The following GPHN variants were observed in gnomAD, a reference collection of about 807,000 sequenced individuals.
GPHN encodes gephyrin.
Under a neutral mutation model 95.5 loss-of-function variants are expected in GPHN, and 17 were observed. The observed-to-expected ratio is 0.18, with a 90% CI of 0.12 to 0.27. GPHN has a LOEUF of 0.27. GPHN is among the 10% of genes least tolerant of loss of function. GPHN has a pLI of 1.00. For missense variants in GPHN, 660 were observed against 978.1 expected (o/e 0.67, Z 4.34); for synonymous variants, 320 against 322.5 (o/e 0.99, Z 0.08).
chr14:67,615,845 A>G, the GPHN span: 22 of 622,344 alleles, frequency 3.5e-5, no homozygotes, highest in South Asian at 3.2e-4. Context: ...TGGCCTGTCC[A>G]TTGGTGATTC....
the GPHN span, chr14:67,569,232 G>A: frequency 1.3e-6 from 2 of 1,578,716 alleles, no homozygotes; most frequent in African/African-American, 2.7e-5. Context: ...TTCCAAGTGA[G>A]GCTTGGAGGC....
At chr14:67,266,810 A>G in the GPHN span, among the ~76,000 whole-genome samples, 1 of 152,058 alleles carries the variant, frequency 6.6e-6, no homozygotes, top group African/African-American at 2.4e-5. Flanking sequence ...GTTATCTTTT[A>G]AAAAAACTTC....
intron 8 of GPHN, among the ~76,000 whole-genome samples, chr14:66,945,796 A>G (rs980551844): frequency 1.3e-5 from 2 of 152,186 alleles, no homozygotes; most frequent in African/African-American, 4.8e-5. Flanking sequence ...TATACAAAGC[A>G]TACAATTTTT....
At chr14:66,754,394 A>T (rs1566907906) in intron 2 of GPHN, among the ~76,000 whole-genome samples, 1 of 152,008 alleles carries the variant, frequency 6.6e-6, no homozygotes, top group Non-Finnish European at 1.5e-5. Context: ...AGTGACTTTC[A>T]TATCATAATA....
At chr14:67,284,323 C>T in the GPHN span, among the ~76,000 whole-genome samples, 4 of 150,070 alleles carry the variant, frequency 2.7e-5, no homozygotes, top group Admixed American at 6.7e-5. Context: ...TGCAGGCAGG[C>T]GTGGTGGTTC....
chr14:67,620,836 A>G, the GPHN span: 1 of 1,580,816 alleles, frequency 6.3e-7, no homozygotes, highest in South Asian at 1.1e-5. Context: ...AATGTACCAA[A>G]TGGGTTTTTT....
In GPHN at chr14:67,088,967, T is replaced by C. The variant is rs766723067; in HGVS notation, c.1145-16T>C. ...GCTCTCCATATTTACATTTTCCTTC[T>C]TTTCTCTTCCTTCAGATGGAATGGG... is the stretch of plus-strand genomic sequence containing the variant. On this transcript the variant is annotated splice_polypyrimidine_tract_variant and intron_variant, in intron 11 of 22. Transcript: ENST00000478722. 68 of 1,489,438 alleles carry C rather than the reference T, an allele frequency of 4.6e-5. No homozygotes were observed. In the Admixed American group the frequency reaches 6.0e-4, roughly 13 times the overall value. The allele number at this position is 1,489,438 out of a possible 1,614,324, so 92.3% of individuals were successfully genotyped here.
At chr14:67,288,099 A>G in the GPHN span, among the ~76,000 whole-genome samples, 1 of 151,722 alleles carries the variant, frequency 6.6e-6, no homozygotes, top group Non-Finnish European at 1.5e-5. Flanking sequence ...TTTTCCTTCG[A>G]GACAGAGTCT....
the GPHN span, among the ~76,000 whole-genome samples, chr14:67,288,767 T>C: frequency 6.6e-6 from 1 of 152,288 alleles, no homozygotes; most frequent in Non-Finnish European, 1.5e-5. Context: ...CTATTCTTAA[T>C]ATTAGCTTAT....
intron 1 of GPHN, among the ~76,000 whole-genome samples, chr14:66,530,414 A>G (rs1382235415): frequency 6.6e-6 from 1 of 152,040 alleles, no homozygotes; most frequent in African/African-American, 2.4e-5. Context: ...GAGCTAGACC[A>G]CTTGGCTCCC....
chr14:66,765,700 A>G (rs1285639515), intron 2 of GPHN, among the ~76,000 whole-genome samples: 1 of 152,160 alleles, frequency 6.6e-6, no homozygotes, highest in Non-Finnish European at 1.5e-5. Flanking sequence ...TCTGTACACC[A>G]AACTCCCATG....
chr14:67,518,094 G>T, the GPHN span, among the ~76,000 whole-genome samples: 3 of 152,202 alleles, frequency 2.0e-5, no homozygotes, highest in Non-Finnish European at 4.4e-5. Context: ...CAGTAATCAT[G>T]GTTCTAGTGA....
intron 11 of GPHN, among the ~76,000 whole-genome samples, chr14:67,080,292 TTATG>T (rs2076640122): frequency 6.6e-6 from 1 of 152,058 alleles, no homozygotes; most frequent in Non-Finnish European, 1.5e-5. Context: ...TAAGAGCTCT[TTATG>T]TATTCTGGAT....
intron 5 of GPHN, among the ~76,000 whole-genome samples, chr14:66,885,071 T>C (rs1449666241): frequency 1.4e-4 from 21 of 151,972 alleles, no homozygotes; most frequent in Admixed American, 1.3e-4. Flanking sequence ...ACAAAACTTA[T>C]TTTTTATAGA....
At chr14:67,462,182 G>T in the GPHN span, among the ~76,000 whole-genome samples, 2 of 152,210 alleles carry the variant, frequency 1.3e-5, no homozygotes, top group Admixed American at 6.5e-5. Flanking sequence ...TGAAGGTTAG[G>T]ATGGGGGAGT....
the GPHN span, chr14:67,447,814 C>G: frequency 6.6e-6 from 1 of 152,198 alleles, no homozygotes; most frequent in African/African-American, 2.4e-5. Context: ...GGATTGAAAT[C>G]TGGCGAATGT....
At chr14:66,797,333 A>G (rs931100867) in intron 3 of GPHN, among the ~76,000 whole-genome samples, 1 of 151,796 alleles carries the variant, frequency 6.6e-6, no homozygotes, top group Non-Finnish European at 1.5e-5. Context: ...GTGGTTCCAT[A>G]TAAATTTTAG....
intron 13 of GPHN, among the ~76,000 whole-genome samples, chr14:67,102,940 C>G (rs963830181): frequency 6.6e-6 from 1 of 152,196 alleles, no homozygotes; most frequent in African/African-American, 2.4e-5. Context: ...ATCCATACTG[C>G]ACCAAGCTGG....
At chr14:67,375,544 G>GT in the GPHN span, among the ~76,000 whole-genome samples, 2 of 145,242 alleles carry the variant, frequency 1.4e-5, no homozygotes, top group Non-Finnish European at 3.0e-5. Context: ...AAAAAAAAAA[G>GT]TTTCAATGAA....
Sources: allele counts gnomAD v4.1 joint callset (sites outside exome capture counted in the v4.1 genomes callset), GRCh38; gene constraint gnomAD v4.1.1; transcripts MANE v1.5; gene names NCBI Gene and HGNC (gene_info 2026-07-23, HGNC 2026-07-21).